The following PSG4 variants were observed in gnomAD, a reference collection of about 807,000 sequenced individuals.
PSG4 encodes pregnancy-specific beta-1-glycoprotein 4.
In PSG4, 61 loss-of-function variants were observed where a neutral mutation model predicts 44.3. The observed-to-expected ratio is 1.38, with a 90% confidence interval of 1.12 to 1.70. PSG4 has a LOEUF of 1.70. Ranked by LOEUF, PSG4 falls within the 40% of genes most tolerant of loss-of-function variation. The probability of loss-of-function intolerance (pLI) is 0.00; values close to 1 mark genes in which losing one functional copy is unlikely to be tolerated. For synonymous variants in PSG4, 248 were observed against 191.3 expected, an observed-to-expected ratio of 1.30 and a Z score of -2.45; for missense variants, 677 against 511.7, an observed-to-expected ratio of 1.32 and a Z score of -3.12.
At chr19:43,193,702 C>G (rs1209136210) in intron 5 of PSG4, 7 of 541,948 alleles carry the variant, frequency 1.3e-5, no homozygotes, top group Admixed American at 3.5e-5. Flanking sequence ...GGAAGCCAAA[C>G]CAAGGCTGAC....
rs1021846242 is a variant in PSG4 at position 43,201,123 on chromosome 19, G to C, written c.430+2763C>G. 4.8e-5 allele frequency among the ~76,000 whole-genome samples: 7 copies of C among 145,708 alleles called. 2 individuals are homozygous for C. The highest frequency in any genetic ancestry group is 1.8e-4 in the African/African-American group (7 of 38,060). On this transcript the variant is annotated intron_variant, in intron 2 of 5. Coordinates refer to ENST00000405312, the MANE Select transcript of PSG4 (RefSeq NM_002780.5). ...CAGTGCAAAGATTACAGCAGTGACAGCAAACTAGCATGTCTGAGTCCATCT... is the reference window on the plus strand; with the variant it reads ...CAGTGCAAAGATTACAGCAGTGACACCAAACTAGCATGTCTGAGTCCATCT...
At chr19:43,199,250 C>G (rs144511042) in intron 2 of PSG4, among the ~76,000 whole-genome samples, 3,132 of 144,930 alleles carry the variant, frequency 0.022, 591 homozygotes, top group African/African-American at 0.079. Context: ...TTTGACTACT[C>G]TATGTACCTC....
chr19:43,195,732 A>T (rs1967217147), intron 3 of PSG4, among the ~76,000 whole-genome samples: 1 of 150,998 alleles, frequency 6.6e-6, no homozygotes, highest in Non-Finnish European at 1.5e-5. Flanking sequence ...GGGACTTCCC[A>T]TTGTCCTGAA....
Position 43,192,796 on chromosome 19 carries a change from C to A in PSG4, c.*576G>T, listed in dbSNP as rs915265071. The A allele has an allele frequency of 1.4e-4, 27 of 193,992 alleles. 1 individual carries two copies. The highest frequency in any genetic ancestry group is 5.9e-4 in the African/African-American group (25 of 42,618). The allele number at this position is 193,992 out of a possible 1,614,324, so 12.0% of individuals were successfully genotyped here. ...TAGGAAATGGTGAGAGCCATCCACACAATGTGCATTTAAAGGAGACTCTAC... is the reference window on the plus strand; with the variant it reads ...TAGGAAATGGTGAGAGCCATCCACAAAATGTGCATTTAAAGGAGACTCTAC... On this transcript the variant is annotated 3_prime_UTR_variant, in exon 6 of 6. Transcript: ENST00000405312.
chr19:43,202,571 G>A (rs1473926428), intron 2 of PSG4, among the ~76,000 whole-genome samples: 1 of 144,520 alleles, frequency 6.9e-6, no homozygotes, highest in Non-Finnish European at 1.5e-5. Context: ...CTCTCGCTGG[G>A]CCTGTGCTGG....
intron 3 of PSG4, among the ~76,000 whole-genome samples, chr19:43,197,219 CAT>C (rs201330032): frequency 0.014 from 2,047 of 145,362 alleles, 185 homozygotes; most frequent in Middle Eastern, 0.028. Flanking sequence ...GGAGCAGAAA[CAT>C]ATTCCCTGTG....
chr19:43,199,138 G>A lies in PSG4; in HGVS notation c.431-863C>T, dbSNP rs891766267. ...AACATGAACAGATGATGGAAGTCTG[G>A]CCCTCATGGACCATATGCGTTTGGT... On this transcript the variant is annotated intron_variant, in intron 2 of 5. Coordinates refer to ENST00000405312, the MANE Select transcript of PSG4 (RefSeq NM_002780.5). Among the ~76,000 whole-genome samples, 9 of 146,092 alleles carry A rather than the reference G, an allele frequency of 6.2e-5. 1 individual carries two copies. Among genetic ancestry groups the A allele is most frequent in the South Asian group, 2.1e-4 (1 of 4,668 alleles).
chr19:43,203,122 A>G (rs1354736742), intron 2 of PSG4: 1 of 146,218 alleles, frequency 6.8e-6, no homozygotes, highest in East Asian at 2.3e-4. Context: ...CACAAACAGC[A>G]TTTATTATTA....
At chr19:43,201,581 A>G (rs1405044860) in intron 2 of PSG4, among the ~76,000 whole-genome samples, 2 of 145,108 alleles carry the variant, frequency 1.4e-5, no homozygotes, top group Admixed American at 1.4e-4. Flanking sequence ...ACCTAGAGGC[A>G]GATTCAAGCA....
chr19:43,203,195 A>G (rs1967599048), intron 2 of PSG4: 1 of 146,588 alleles, frequency 6.8e-6, no homozygotes, highest in Non-Finnish European at 1.5e-5. Flanking sequence ...TACCAGGTAC[A>G]TCTTCTCCTT....
chr19:43,193,669 C>T (rs1160390983), intron 5 of PSG4: 2 of 556,984 alleles, frequency 3.6e-6, no homozygotes, highest in African/African-American at 3.8e-5. Flanking sequence ...TCAGATTAAA[C>T]TTTTACAAAA....
intron 2 of PSG4, among the ~76,000 whole-genome samples, chr19:43,199,608 C>A (rs2122334813): frequency 6.9e-6 from 1 of 145,218 alleles, no homozygotes; most frequent in South Asian, 2.2e-4. Context: ...GAGTTTTGAG[C>A]ATTTCAGATT....
At chr19:43,195,741 A>C (rs549612929) in intron 3 of PSG4, among the ~76,000 whole-genome samples, 1 of 151,060 alleles carries the variant, frequency 6.6e-6, no homozygotes, top group Non-Finnish European at 1.5e-5. Flanking sequence ...CATTGTCCTG[A>C]AACCCTGAAG....
At position 43,202,117 on chromosome 19, in the gene PSG4, C is replaced by T. The variant is rs577256719; in HGVS notation, c.430+1769G>A. 1.6e-3 allele frequency among the ~76,000 whole-genome samples: 235 copies of T among 145,672 alleles called. 18 individuals are homozygous for T. The highest frequency in any genetic ancestry group is 5.5e-3 in the African/African-American group (212 of 38,486). On this transcript the variant is annotated intron_variant, in intron 2 of 5. Transcript: ENST00000405312. Reference sequence around the variant, plus strand: ...AAAGGAACTGAACAGCCAGACTAGTCAGAGGGAGTGTCTGGGGAAGGCCTA... The same window carrying T: ...AAAGGAACTGAACAGCCAGACTAGTTAGAGGGAGTGTCTGGGGAAGGCCTA...
intron 4 of PSG4, 188 bp from the exon 5 acceptor site, chr19:43,194,782 C>A: frequency 7.1e-7 from 1 of 1,414,678 alleles, no homozygotes; most frequent in Non-Finnish European, 9.5e-7. Context: ...TTTTAGGCCC[C>A]AAGTCTCCCA....
At chr19:43,202,005 A>T (rs762748616) in intron 2 of PSG4, among the ~76,000 whole-genome samples, 1 of 144,564 alleles carries the variant, frequency 6.9e-6, no homozygotes, top group Non-Finnish European at 1.5e-5. Context: ...TTGGCTCGAG[A>T]TGAAGCCTGG....
At position 43,204,142 on chromosome 19, in the gene PSG4, C is replaced by T. The variant is rs530064049; in HGVS notation, c.174G>A (p.Leu58=). ...GKDVLLLVHN[L]PQNLAGYIWY... ...AAATGTAGCCAGCAAGATTCTGGGG[C>T]AAATTGTGGACAAGTAGAAGAACAT... Residue 58 remains leucine, a synonymous_variant, in exon 2 of 6, where the codon TTG becomes TTA. Coordinates refer to ENST00000405312, the MANE Select transcript of PSG4 (RefSeq NM_002780.5). 6.3e-6 allele frequency: 10 copies of T among 1,587,316 alleles called. 2 individuals are homozygous for T. The highest frequency in any genetic ancestry group is 8.5e-6 in the Non-Finnish European group (10 of 1,171,686).
chr19:43,195,675 T>A (rs1285829560), intron 3 of PSG4, among the ~76,000 whole-genome samples: 1 of 151,522 alleles, frequency 6.6e-6, no homozygotes, highest in Middle Eastern at 3.4e-3. Context: ...TAGATGAGAT[T>A]TCTCTGCAGC....
In PSG4 at chr19:43,195,098, G is replaced by C; in HGVS notation, c.885C>G (p.Leu295=). The C allele has an allele frequency of 6.2e-7, 1 of 1,611,000 alleles. No individual in the cohort carries two copies. ...RVKRPIENRI[L]ILPNVTRNET... ...CATTTCTCGTGACATTGGGTAGAAT[G>C]AGGATCCTGTTTTCAATGGGTCGCT... The change falls in exon 4 of 6, where the codon CTC becomes CTG. Residue 295 remains leucine (L), a synonymous_variant. Transcript: ENST00000405312.
Sources: allele counts gnomAD v4.1 joint callset (sites outside exome capture counted in the v4.1 genomes callset), GRCh38; gene constraint gnomAD v4.1.1; transcripts MANE v1.5; gene names NCBI Gene and HGNC (gene_info 2026-07-23, HGNC 2026-07-21).